SMARCA1: variants seen among roughly 807,000 people sequenced by gnomAD.
The protein encoded by SMARCA1 is SNF2 related chromatin remodeling ATPase 1.
A neutral mutation model predicts 93.6 loss-of-function variants in SMARCA1; 17 were observed. That is an observed-to-expected ratio of 0.18 (90% CI 0.12 to 0.27). The LOEUF is 0.27. Ranked by LOEUF, SMARCA1 falls within the 10% of genes least tolerant of loss-of-function variation. The probability of loss-of-function intolerance (pLI) is 1.00; values close to 1 mark genes in which losing one functional copy is unlikely to be tolerated. For synonymous variants in SMARCA1, 271 were observed against 271.4 expected (o/e 1.00, Z 0.01); for missense variants, 630 against 819.0 (o/e 0.77, Z 2.82).
At position 129,511,848 on chromosome X, in the gene SMARCA1, G is replaced by A. The variant is rs1444369758; in HGVS notation, c.766C>T (p.Pro256Ser). ...ACAAAACAAATGACACGGAGAGATG[G>A]GACCCATCGTTTAAATTCATTCATC... is the stretch of plus-strand genomic sequence containing the variant. ...NWMNEFKRWV[P>S]SLRVICFVGD... Residue 256 changes from proline (P) to serine (S), a missense_variant, in exon 6 of 25, where the codon CCA becomes TCA. Coordinates refer to ENST00000371121, the MANE Select transcript of SMARCA1 (RefSeq NM_001282874.2). 8.3e-7 allele frequency: 1 copy of A among 1,205,518 alleles called. No homozygotes were observed. Among genetic ancestry groups the A allele is most frequent in the South Asian group, 1.8e-5 (1 of 55,970 alleles).
chrX:129,511,760 T>G, intron 6 of SMARCA1, 44 bp downstream of exon 6: 2 of 1,024,254 alleles, frequency 2.0e-6, no homozygotes, highest in South Asian at 2.3e-5. Flanking sequence ...ACTCCAGAAA[T>G]GATATTATTC....
chrX:129,495,863 C>T (rs1397526360), intron 12 of SMARCA1, among the ~76,000 whole-genome samples: 1 of 105,154 alleles, frequency 9.5e-6, no homozygotes, highest in African/African-American at 3.5e-5. Flanking sequence ...ACCTCCGCCT[C>T]CCAGGTTCAA....
intron 18 of SMARCA1, 38 bp downstream of exon 18, chrX:129,481,037 T>C: frequency 1.1e-6 from 1 of 872,990 alleles, no homozygotes; most frequent in Non-Finnish European, 1.7e-6. Context: ...AACAGAAATC[T>C]ACTTTAGGAC....
intron 9 of SMARCA1, among the ~76,000 whole-genome samples, chrX:129,502,908 G>A (rs1203124702): frequency 9.0e-6 from 1 of 111,508 alleles, no homozygotes; most frequent in African/African-American, 3.3e-5. Context: ...AATCATGGGG[G>A]AAAGTCCATA....
At chrX:129,519,536 T>G (rs1935317287) in intron 1 of SMARCA1, among the ~76,000 whole-genome samples, 1 of 111,887 alleles carries the variant, frequency 8.9e-6, no homozygotes. Flanking sequence ...ATTTCTATTT[T>G]GAGGAAATCC....
At position 129,482,229 on chromosome X, in the gene SMARCA1, C is replaced by G. The variant is rs745821508; in HGVS notation, c.2218-1044G>C. On this transcript the variant is annotated intron_variant, in intron 17 of 24. Coordinates refer to ENST00000371121, the MANE Select transcript of SMARCA1 (RefSeq NM_001282874.2). ...ATAGCATTGGGAGATATACCTAATGCTAAATGACGAGTTAGTGGGTGCAGC... is the reference window on the plus strand; with the variant it reads ...ATAGCATTGGGAGATATACCTAATGGTAAATGACGAGTTAGTGGGTGCAGC... Among the ~76,000 whole-genome samples the G allele has an allele frequency of 4.8e-3, 471 of 97,484 alleles. 5 individuals are homozygous for G. Among genetic ancestry groups the G allele is most frequent in the Non-Finnish European group, 8.4e-3 (411 of 48,763 alleles). The allele number at this position is 97,484 out of a possible 115,157, so 84.7% of individuals were successfully genotyped here. A position where few individuals can be genotyped will look rare whatever the true frequency, so the allele number is the denominator to read the frequency against.
chrX:129,474,085 G>T (rs1286439588), intron 19 of SMARCA1, among the ~76,000 whole-genome samples: 2 of 111,545 alleles, frequency 1.8e-5, no homozygotes, highest in African/African-American at 3.3e-5. Context: ...ATGATAGAGG[G>T]CCAGAGAAAT....
intron 19 of SMARCA1, among the ~76,000 whole-genome samples, chrX:129,478,314 G>T (rs1465994514): frequency 1.5e-4 from 17 of 111,801 alleles, no homozygotes. Context: ...CCAGTACCTG[G>T]CACAAAGGAT....
rs180775716 is a variant in SMARCA1 at position 129,472,570 on chromosome X, T to A, written c.2443-1244A>T. 4.0e-4 allele frequency among the ~76,000 whole-genome samples: 45 copies of A among 111,706 alleles called. 1 individual carries two copies. In the East Asian group the frequency reaches 0.012, roughly 30 times the overall value. On this transcript the variant is annotated intron_variant, in intron 19 of 24. Transcript: ENST00000371121. ...AGCATTAAAAAGAAATACTGAGAAATTAGATTCACTTGTAATCATCAGTAT... is the reference window on the plus strand; with the variant it reads ...AGCATTAAAAAGAAATACTGAGAAAATAGATTCACTTGTAATCATCAGTAT...
chrX:129,449,521 T>C lies in SMARCA1; in HGVS notation c.3031-1078A>G, dbSNP rs189376202. 3.8e-3 allele frequency among the ~76,000 whole-genome samples: 429 copies of C among 112,208 alleles called. 3 individuals carry two copies. The highest frequency in any genetic ancestry group is 0.013 in the African/African-American group (408 of 30,932). Reference sequence around the variant, plus strand: ...AACCTTGCCACTACCTATATTTCACTGTCAGCAAATCAATGCATGCAAACT... The same window carrying C: ...AACCTTGCCACTACCTATATTTCACCGTCAGCAAATCAATGCATGCAAACT... On this transcript the variant is annotated intron_variant, in intron 23 of 24. Coordinates refer to ENST00000371121, the MANE Select transcript of SMARCA1 (RefSeq NM_001282874.2).
At chrX:129,452,361 T>C (rs1163986224) in intron 23 of SMARCA1, among the ~76,000 whole-genome samples, 1 of 111,978 alleles carries the variant, frequency 8.9e-6, no homozygotes, top group Non-Finnish European at 1.9e-5. Flanking sequence ...AAAATGAAGT[T>C]GGAGAAAAAC....
chrX:129,458,861 T>A (rs1379799523), intron 23 of SMARCA1, among the ~76,000 whole-genome samples: 1 of 112,071 alleles, frequency 8.9e-6, no homozygotes, highest in African/African-American at 3.2e-5. Context: ...CTACAGCTCT[T>A]AGTAAAACAA....
rs752880574 is a variant in SMARCA1 at position 129,497,919 on chromosome X, G to C, written c.1430C>G (p.Thr477Ser). 4.9e-5 allele frequency: 59 copies of C among 1,205,505 alleles called. No homozygotes were observed. Among genetic ancestry groups the C allele is most frequent in the Middle Eastern group, 2.3e-4 (1 of 4,370 alleles). Residue 477 changes from threonine (T) to serine (S), a missense_variant, in exon 11 of 25, where the codon ACT (threonine) becomes AGT (serine). Coordinates refer to ENST00000371121, the MANE Select transcript of SMARCA1 (RefSeq NM_001282874.2). ...DGAEPGPPYTTDEHIVSNSGK... is the reference protein window; with the variant it reads ...DGAEPGPPYTSDEHIVSNSGK... ...ACTGTTGCTGACAATATGCTCATCAGTGGTATAAGGTGGACCAGGTTCAGC... is the reference window on the plus strand; with the variant it reads ...ACTGTTGCTGACAATATGCTCATCACTGGTATAAGGTGGACCAGGTTCAGC...
At chrX:129,478,749 T>A in intron 19 of SMARCA1, among the ~76,000 whole-genome samples, 1 of 111,953 alleles carries the variant, frequency 8.9e-6, no homozygotes, top group Admixed American at 9.5e-5. Context: ...AGAAGGAGCA[T>A]AAAGTTATAT....
At chrX:129,505,601 G>A (rs188835518) in intron 8 of SMARCA1, among the ~76,000 whole-genome samples, 1 of 110,657 alleles carries the variant, frequency 9.0e-6, no homozygotes, top group East Asian at 2.8e-4. Context: ...ATAAATTTGT[G>A]TTAATGATAA....
At position 129,501,382 on chromosome X, in the gene SMARCA1, G is replaced by A. The variant is rs187907448; in HGVS notation, c.1168-1541C>T. Among the ~76,000 whole-genome samples the A allele has an allele frequency of 8.3e-5, 9 of 108,942 alleles. No individual in the cohort carries two copies. The East Asian group carries it at 2.6e-3, about 31-fold the overall frequency. 94.6% of individuals were successfully genotyped at this position (108,942 alleles called of 115,157 possible). On this transcript the variant is annotated intron_variant, in intron 9 of 24. Coordinates refer to ENST00000371121, the MANE Select transcript of SMARCA1 (RefSeq NM_001282874.2). ...GCAATCTCAGCTCACTGCAACCTCC[G>A]CCTCCCAGGTTCAAGCAATTCTCCT...
intron 23 of SMARCA1, among the ~76,000 whole-genome samples, chrX:129,455,551 C>T (rs1467280197): frequency 9.1e-6 from 1 of 110,214 alleles, no homozygotes; most frequent in Non-Finnish European, 1.9e-5. Flanking sequence ...CACGTGTATA[C>T]CTATGTAACA....
intron 16 of SMARCA1, 34 bp downstream of exon 16, chrX:129,488,903 T>A: frequency 1.0e-6 from 1 of 992,728 alleles, no homozygotes. Flanking sequence ...ATTAAAACAA[T>A]CCAGCATGAA....
At chrX:129,456,158 G>A (rs1932613251) in intron 23 of SMARCA1, among the ~76,000 whole-genome samples, 1 of 111,321 alleles carries the variant, frequency 9.0e-6, no homozygotes, top group Non-Finnish European at 1.9e-5. Context: ...AAAATCCTAG[G>A]GCTCTTAAAA....
Sources: gnomAD v4.1 joint callset for allele counts (sites outside exome capture counted in the v4.1 genomes callset) on GRCh38, gnomAD v4.1.1 for gene constraint, MANE v1.5 for transcripts, NCBI Gene and HGNC (gene_info 2026-07-23, HGNC 2026-07-21) for gene names.